Variants in CCSER1 observed in about 807,000 individuals in gnomAD.
CCSER1 encodes the protein serine-rich coiled-coil domain-containing protein 1.
In CCSER1, 41 loss-of-function variants were observed where a neutral mutation model predicts 82.0. The ratio of observed to expected loss-of-function variants is 0.50; its 90% CI spans 0.39 to 0.65. The LOEUF (loss-of-function observed/expected upper bound fraction) is 0.65. Ranked by LOEUF, CCSER1 falls within the 30% of genes least tolerant of loss-of-function variation. The pLI is 0.00. For synonymous variants in CCSER1, 414 were observed against 383.9 expected, an observed-to-expected ratio of 1.08 and a Z score of -0.92; for missense variants, 1,119 against 1,064.2, an observed-to-expected ratio of 1.05 and a Z score of -0.72.
At chr4:91,383,308 A>G (rs1486119490) in intron 10 of CCSER1, among the ~76,000 whole-genome samples, 1 of 152,096 alleles carries the variant, frequency 6.6e-6, no homozygotes, top group Non-Finnish European at 1.5e-5. Context: ...ACAATCATTC[A>G]TTCTTCAAGC....
intron 8 of CCSER1, 117 bp from the exon 9 acceptor site, chr4:90,923,253 A>G: frequency 1.3e-6 from 1 of 742,956 alleles, no homozygotes. Context: ...ACAGCAAAGC[A>G]TATGCACAGA....
intron 8 of CCSER1, among the ~76,000 whole-genome samples, chr4:90,858,360 A>G (rs1228401107): frequency 6.6e-6 from 1 of 152,044 alleles, no homozygotes; most frequent in Non-Finnish European, 1.5e-5. Flanking sequence ...GACAGAGCGT[A>G]CCAGGTTTTC....
chr4:90,557,309 A>T (rs1052827651), intron 5 of CCSER1, among the ~76,000 whole-genome samples: 1 of 152,254 alleles, frequency 6.6e-6, no homozygotes, highest in Admixed American at 6.5e-5. Flanking sequence ...TCGATACAGC[A>T]AAGATTTTTG....
intron 3 of CCSER1, among the ~76,000 whole-genome samples, chr4:90,331,161 A>C (rs1431352963): frequency 1.3e-5 from 2 of 152,098 alleles, no homozygotes; most frequent in African/African-American, 4.8e-5. Flanking sequence ...TACTGAAACA[A>C]TAGATAAAAA....
At chr4:90,895,458 C>T (rs1483271748) in intron 8 of CCSER1, among the ~76,000 whole-genome samples, 1 of 151,866 alleles carries the variant, frequency 6.6e-6, no homozygotes, top group Non-Finnish European at 1.5e-5. Context: ...CTGGGTTGTT[C>T]TCTGTAAGAA....
At chr4:91,373,003 G>A (rs1750146990) in intron 10 of CCSER1, among the ~76,000 whole-genome samples, 1 of 151,526 alleles carries the variant, frequency 6.6e-6, no homozygotes, top group South Asian at 2.1e-4. Context: ...TTATATTCAA[G>A]CTTGAAAAAA....
At position 90,585,301 on chromosome 4, in the gene CCSER1, C is replaced by A. The variant is rs575076960; in HGVS notation, c.1725-42724C>A. Among the ~76,000 whole-genome samples, 46 of 152,272 alleles carry A rather than the reference C, an allele frequency of 3.0e-4. 1 individual carries two copies. In the South Asian group the frequency reaches 8.9e-3, roughly 30 times the overall value. On this transcript the variant is annotated intron_variant, in intron 5 of 10. Transcript: ENST00000509176. ...AAAATGGTACTAACAACTTGGAAAA[C>A]TATTGGAGTTCTCAAAATTTATATA...
chr4:90,192,879 A>G (rs1735916333), intron 1 of CCSER1, among the ~76,000 whole-genome samples: 1 of 152,100 alleles, frequency 6.6e-6, no homozygotes, highest in African/African-American at 2.4e-5. Context: ...TCACAAAAGT[A>G]TGTAGACATG....
intron 10 of CCSER1, among the ~76,000 whole-genome samples, chr4:91,489,795 A>AATAAT (rs1327541882): frequency 1.4e-5 from 2 of 145,996 alleles, no homozygotes; most frequent in African/African-American, 5.0e-5. Flanking sequence ...CTTAAAATAA[A>AATAAT]AAAAAGATTG....
chr4:90,163,793 A>G (rs1423100366), intron 1 of CCSER1, among the ~76,000 whole-genome samples: 1 of 152,144 alleles, frequency 6.6e-6, no homozygotes, highest in Non-Finnish European at 1.5e-5. Context: ...TGGAAGTACT[A>G]CATTAATGAC....
intron 10 of CCSER1, among the ~76,000 whole-genome samples, chr4:91,380,465 C>T (rs1196414333): frequency 6.6e-6 from 1 of 152,138 alleles, no homozygotes; most frequent in Non-Finnish European, 1.5e-5. Flanking sequence ...GGATAGTTAG[C>T]TCTACTTGTT....
chr4:90,175,832 A>G (rs1231923795), intron 1 of CCSER1, among the ~76,000 whole-genome samples: 10 of 152,010 alleles, frequency 6.6e-5, no homozygotes, highest in Admixed American at 6.6e-4. Context: ...TAGTAAGTGC[A>G]GTAGCTACTC....
chr4:90,689,248 T>G lies in CCSER1; in HGVS notation c.1933-34666T>G, dbSNP rs1190889050. ...ATCTGGAGAGGGGAAGCAGGATTCA[T>G]CCTCTCTGGGGATAACTAAGCAAAT... On this transcript the variant is annotated intron_variant, in intron 6 of 10. Coordinates refer to ENST00000509176, the MANE Select transcript of CCSER1 (RefSeq NM_001145065.2). 2.0e-5 allele frequency among the ~76,000 whole-genome samples: 3 copies of G among 152,050 alleles called. No individual in the cohort carries two copies. In the East Asian group the frequency reaches 5.8e-4, roughly 29 times the overall value.
At chr4:90,455,896 T>C (rs1762107649) in intron 4 of CCSER1, among the ~76,000 whole-genome samples, 1 of 152,194 alleles carries the variant, frequency 6.6e-6, no homozygotes, top group African/African-American at 2.4e-5. Context: ...CATGTGCCTT[T>C]GGATCTCTCA....
chr4:91,519,346 C>T (rs1045322865), intron 10 of CCSER1, among the ~76,000 whole-genome samples: 12 of 152,334 alleles, frequency 7.9e-5, no homozygotes, highest in African/African-American at 2.6e-4. Context: ...CTGGAAACTC[C>T]AGTCCGGGAG....
At chr4:91,242,276 A>G (rs1387183741) in intron 10 of CCSER1, among the ~76,000 whole-genome samples, 2 of 152,220 alleles carry the variant, frequency 1.3e-5, no homozygotes, top group Non-Finnish European at 2.9e-5. Context: ...AGAGAATACC[A>G]GGAAATAGAC....
intron 10 of CCSER1, among the ~76,000 whole-genome samples, chr4:91,244,065 C>T (rs1170504626): frequency 2.6e-5 from 4 of 152,182 alleles, no homozygotes; most frequent in African/African-American, 9.6e-5. Flanking sequence ...GACATGGCTG[C>T]ATTCACCGCA....
At chr4:90,503,812 T>C (rs895151696) in intron 5 of CCSER1, among the ~76,000 whole-genome samples, 3 of 152,134 alleles carry the variant, frequency 2.0e-5, no homozygotes, top group African/African-American at 7.2e-5. Context: ...TTATGGCTAA[T>C]TTAATTATAT....
chr4:90,447,659 A>G (rs1760841827), intron 4 of CCSER1, among the ~76,000 whole-genome samples: 1 of 152,186 alleles, frequency 6.6e-6, no homozygotes, highest in Admixed American at 6.6e-5. Context: ...ATCTTGGTTT[A>G]TATTGTGTTG....
Sources: gnomAD v4.1 joint callset for allele counts (sites outside exome capture counted in the v4.1 genomes callset) on GRCh38, gnomAD v4.1.1 for gene constraint, MANE v1.5 for transcripts, NCBI Gene and HGNC (gene_info 2026-07-23, HGNC 2026-07-21) for gene names.